The following ZNF644 variants were observed in gnomAD, a reference collection of about 807,000 sequenced individuals.
ZNF644 encodes the protein zinc finger motif enhancer binding protein 2.
In ZNF644, 20 loss-of-function variants were observed where a neutral mutation model predicts 108.0. The observed-to-expected ratio is 0.19, with a 90% CI of 0.13 to 0.27. The LOEUF (loss-of-function observed/expected upper bound fraction) is 0.27. Ranked by LOEUF, ZNF644 falls within the 10% of genes least tolerant of loss-of-function variation. The pLI, the probability that ZNF644 is intolerant of heterozygous loss-of-function variation, is 1.00. For missense variants in ZNF644, 1,338 were observed against 1,548.9 expected (o/e 0.86, Z 2.29); for synonymous variants, 542 against 539.1 (o/e 1.01, Z -0.08).
intron 1 of ZNF644, among the ~76,000 whole-genome samples, chr1:90,999,061 G>A (rs113757676): frequency 3.8e-4 from 58 of 152,278 alleles, no homozygotes; most frequent in Admixed American, 3.2e-3. Flanking sequence ...CCAAATCTAC[G>A]CCTGATTGGT....
At chr1:90,953,094 T>G (rs142315591) in intron 2 of ZNF644, among the ~76,000 whole-genome samples, 3 of 150,974 alleles carry the variant, frequency 2.0e-5, no homozygotes, top group East Asian at 3.9e-4. Context: ...TGTCACAACG[T>G]TGCCTTAAGA....
At chr1:90,943,411 A>G (rs1652205541) in intron 2 of ZNF644, among the ~76,000 whole-genome samples, 1 of 152,222 alleles carries the variant, frequency 6.6e-6, no homozygotes, top group South Asian at 2.1e-4. Context: ...ATTGCACTCC[A>G]GCCTGTGCAA....
At chr1:91,018,852 C>G (rs185504277) in intron 1 of ZNF644, among the ~76,000 whole-genome samples, 2 of 152,170 alleles carry the variant, frequency 1.3e-5, no homozygotes, top group African/African-American at 4.8e-5. Context: ...TCAATTCAAC[C>G]AAAACACTCT....
intron 1 of ZNF644, among the ~76,000 whole-genome samples, chr1:91,015,811 G>A (rs1460429219): frequency 6.6e-6 from 1 of 152,098 alleles, no homozygotes; most frequent in Non-Finnish European, 1.5e-5. Flanking sequence ...TCACTCACAG[G>A]TGAAAATCTC....
At position 90,941,068 on chromosome 1, in the gene ZNF644, T is replaced by C; in HGVS notation, c.286A>G (p.Ile96Val). 14 of 1,614,172 alleles carry C rather than the reference T, an allele frequency of 8.7e-6. No individual in the cohort carries two copies. The highest frequency in any genetic ancestry group is 1.2e-5 in the Non-Finnish European group (14 of 1,179,982). The change falls in exon 3 of 6, where the codon ATA becomes GTA. Residue 96 changes from isoleucine (I) to valine (V), a missense_variant. Physicochemically the swap from Ile to Val is conservative, Grantham distance 29 (BLOSUM62 3). Around this residue, in one of 6 missense-constraint regions of ZNF644, gnomAD observed 464 missense variants for 457.9 expected, o/e 1.01. Coordinates refer to ENST00000337393, the MANE Select transcript of ZNF644 (RefSeq NM_201269.3). ...GAAACAGTAGGAGCACCAGCATGTA[T>C]AAATAGACTAGACTGGCCTCCACTT... ...ALSGGQSSLF[I>V]HAGAPTVSSE... is the part of the protein sequence containing the mutation.
At chr1:90,944,498 C>T (rs1652324770) in intron 2 of ZNF644, among the ~76,000 whole-genome samples, 1 of 151,546 alleles carries the variant, frequency 6.6e-6, no homozygotes, top group Non-Finnish European at 1.5e-5. Context: ...TAAAATATGG[C>T]TTACTTACCC....
Position 90,916,548 on chromosome 1 carries a change from C to A in ZNF644, c.*250G>T. 2.0e-6 allele frequency: 1 copy of A among 500,426 alleles called. No individual in the cohort carries two copies. The highest frequency in any genetic ancestry group is 2.1e-5 in the South Asian group (1 of 46,986). 31.0% of individuals were successfully genotyped at this position (500,426 alleles called of 1,614,324 possible). On this transcript the variant is annotated 3_prime_UTR_variant, in exon 6 of 6. Coordinates refer to ENST00000337393, the MANE Select transcript of ZNF644 (RefSeq NM_201269.3). Reference sequence around the variant, plus strand: ...TATTAATGGCTGCTTACATGTACTGCTCTTTTACTGAGTGAACACAGTTAA... The same window carrying A: ...TATTAATGGCTGCTTACATGTACTGATCTTTTACTGAGTGAACACAGTTAA...
intron 2 of ZNF644, among the ~76,000 whole-genome samples, chr1:90,951,104 A>T (rs1458321235): frequency 6.6e-6 from 1 of 152,212 alleles, no homozygotes; most frequent in East Asian, 1.9e-4. Context: ...TTCAAAATAC[A>T]TCCAGAATCC....
In ZNF644 at chr1:90,970,137, C is replaced by A. The variant is rs74479522; in HGVS notation, c.44+12173G>T. Among the ~76,000 whole-genome samples the A allele has an allele frequency of 8.1e-4, 123 of 152,270 alleles. 3 individuals carry two copies. The East Asian group carries it at 0.016, about 20-fold the overall frequency. The stretch of plus-strand genomic sequence containing the variant: ...GTCCTGCCTATTCATATTATTGCAA[C>A]CCTATACAGCAATTAGATTAATATC... On this transcript the variant is annotated intron_variant, in intron 2 of 5. Coordinates refer to ENST00000337393, the MANE Select transcript of ZNF644 (RefSeq NM_201269.3).
intron 4 of ZNF644, among the ~76,000 whole-genome samples, chr1:90,933,133 T>C (rs576287934): frequency 1.3e-5 from 2 of 152,360 alleles, no homozygotes; most frequent in South Asian, 2.1e-4. Flanking sequence ...TATAAGTAAT[T>C]AATCCTGTGT....
At chr1:91,011,621 A>T (rs1659966482) in intron 1 of ZNF644, among the ~76,000 whole-genome samples, 2 of 152,170 alleles carry the variant, frequency 1.3e-5, no homozygotes, top group South Asian at 4.1e-4. Flanking sequence ...AATCATGATC[A>T]ACAATTCTAT....
chr1:90,923,015 G>T (rs1187588386), intron 4 of ZNF644, among the ~76,000 whole-genome samples: 1 of 152,068 alleles, frequency 6.6e-6, no homozygotes, highest in African/African-American at 2.4e-5. Context: ...ACAAAAACAT[G>T]CTAGCTTGTG....
intron 2 of ZNF644, among the ~76,000 whole-genome samples, chr1:90,949,442 T>C (rs1474967638): frequency 6.6e-6 from 1 of 152,122 alleles, no homozygotes; most frequent in Non-Finnish European, 1.5e-5. Flanking sequence ...TATCTTAATT[T>C]AGGATGGTAA....
At position 90,915,928 on chromosome 1, in the gene ZNF644, T is replaced by C. The variant is rs527530428; in HGVS notation, c.*870A>G. On this transcript the variant is annotated 3_prime_UTR_variant, in exon 6 of 6. Coordinates refer to ENST00000337393, the MANE Select transcript of ZNF644 (RefSeq NM_201269.3). ...AATAAAGTAAGAGGCAAACCTGTCC[T>C]GTAAGCATGTCAAATTTTAGGTAAA... 1 of 152,722 alleles carries C rather than the reference T, an allele frequency of 6.5e-6. No individual in the cohort carries two copies. Among genetic ancestry groups the C allele is most frequent in the East Asian group, 1.9e-4 (1 of 5,192 alleles). 9.5% of individuals were successfully genotyped at this position (152,722 alleles called of 1,614,324 possible). A position where few individuals can be genotyped will look rare whatever the true frequency, so the allele number is the denominator to read the frequency against.
chr1:90,923,766 T>G (rs1322460207), intron 4 of ZNF644, among the ~76,000 whole-genome samples: 1 of 152,148 alleles, frequency 6.6e-6, no homozygotes, highest in Non-Finnish European at 1.5e-5. Context: ...GAGGATGAAA[T>G]GCAAAATACC....
chr1:90,980,958 A>G (rs1215547077), intron 2 of ZNF644, among the ~76,000 whole-genome samples: 2 of 152,152 alleles, frequency 1.3e-5, no homozygotes, highest in Non-Finnish European at 2.9e-5. Flanking sequence ...ATATATATGT[A>G]AACTATACCA....
intron 1 of ZNF644, among the ~76,000 whole-genome samples, chr1:91,012,130 C>G (rs1284993002): frequency 6.6e-6 from 1 of 151,948 alleles, no homozygotes; most frequent in African/African-American, 2.4e-5. Context: ...GGCCATAGTA[C>G]CAAATATCAC....
Position 90,942,387 on chromosome 1 carries a change from G to C in ZNF644, c.45-1078C>G, listed in dbSNP as rs76659893. On this transcript the variant is annotated intron_variant, in intron 2 of 5. Coordinates refer to ENST00000337393, the MANE Select transcript of ZNF644 (RefSeq NM_201269.3). Reference sequence around the variant, plus strand: ...GTAATGCCTACCCCCACTATGAAAAGTTCCCTTGCAACCTGTTTTTTTCCT... The same window carrying C: ...GTAATGCCTACCCCCACTATGAAAACTTCCCTTGCAACCTGTTTTTTTCCT... 6.0e-3 allele frequency among the ~76,000 whole-genome samples: 920 copies of C among 152,216 alleles called. 2 individuals are homozygous for C. Among genetic ancestry groups the C allele is most frequent in the Non-Finnish European group, 0.01 (712 of 68,006 alleles).
At chr1:91,007,220 A>ATTTTTTTTTTTTTTTTTTTTTTTTTTTTT (rs1557658483) in intron 1 of ZNF644, among the ~76,000 whole-genome samples, 1 of 30,276 alleles carries the variant, frequency 3.3e-5, no homozygotes. Flanking sequence ...ATTTTCTCCC[A>ATTTTTTTTTTTTTTTTTTTTTTTTTTTTT]TTTTGTTTTT....
Sources: gnomAD v4.1 joint callset for allele counts (sites outside exome capture counted in the v4.1 genomes callset) on GRCh38, gnomAD v4.1.1 for gene constraint, gnomAD v4.1.1 regional missense constraint, MANE v1.5 for transcripts, NCBI Gene and HGNC (gene_info 2026-07-23, HGNC 2026-07-21) for gene names.